ZMAT4: variants seen among roughly 807,000 people sequenced by gnomAD.
The protein encoded by ZMAT4 is zinc finger matrin-type protein 4.
In ZMAT4, 17 loss-of-function variants were observed where a neutral mutation model predicts 28.7. The observed-to-expected ratio is 0.59, with a 90% CI of 0.41 to 0.89. The LOEUF (loss-of-function observed/expected upper bound fraction) is 0.89. Among genes scored for constraint, ZMAT4 ranks in the 40% least tolerant of loss-of-function variants. The pLI is 0.00. For synonymous variants in ZMAT4, 117 were observed against 109.2 expected, an observed-to-expected ratio of 1.07 and a Z score of -0.44; for missense variants, 240 against 283.8, an observed-to-expected ratio of 0.85 and a Z score of 1.11.
intron 4 of ZMAT4, among the ~76,000 whole-genome samples, chr8:40,678,995 C>T (rs1204475817): frequency 6.6e-6 from 1 of 152,094 alleles, no homozygotes; most frequent in South Asian, 2.1e-4. Flanking sequence ...TTCTGATTTG[C>T]AAAATACAAT....
chr8:40,578,940 A>T (rs1230737913), intron 6 of ZMAT4, among the ~76,000 whole-genome samples: 2 of 152,162 alleles, frequency 1.3e-5, no homozygotes, highest in Non-Finnish European at 2.9e-5. Context: ...GTAAGTGGAG[A>T]CATAAGTCAG....
At chr8:40,699,347 G>T (rs1282037109) in intron 3 of ZMAT4, among the ~76,000 whole-genome samples, 1 of 152,152 alleles carries the variant, frequency 6.6e-6, no homozygotes, top group Non-Finnish European at 1.5e-5. Context: ...GGATACAAGT[G>T]CAGTTTTGTG....
At chr8:40,803,668 G>T (rs1377011631) in intron 2 of ZMAT4, among the ~76,000 whole-genome samples, 1 of 152,122 alleles carries the variant, frequency 6.6e-6, no homozygotes, top group Non-Finnish European at 1.5e-5. Context: ...AGACAATTTG[G>T]CAGTTTCTTA....
chr8:40,803,079 G>A (rs1370441406), intron 2 of ZMAT4, among the ~76,000 whole-genome samples: 1 of 152,106 alleles, frequency 6.6e-6, no homozygotes, highest in Non-Finnish European at 1.5e-5. Context: ...AACACAAAAT[G>A]AGCCACAGAC....
At chr8:40,858,124 C>T (rs956916341) in intron 1 of ZMAT4, among the ~76,000 whole-genome samples, 1 of 152,108 alleles carries the variant, frequency 6.6e-6, no homozygotes, top group Non-Finnish European at 1.5e-5. Flanking sequence ...AAGATCTATG[C>T]GTTTTATCGT....
intron 3 of ZMAT4, among the ~76,000 whole-genome samples, chr8:40,725,319 AC>A (rs1335213577): frequency 6.6e-6 from 1 of 152,152 alleles, no homozygotes; most frequent in East Asian, 1.9e-4. Flanking sequence ...GGCAGAAAGG[AC>A]CTAATTAGAA....
intron 5 of ZMAT4, among the ~76,000 whole-genome samples, chr8:40,585,941 A>T (rs1022576086): frequency 1.3e-5 from 2 of 152,184 alleles, no homozygotes; most frequent in African/African-American, 4.8e-5. Flanking sequence ...TATGTTTAAA[A>T]ATGGGCATTT....
At chr8:40,650,297 C>A (rs1401075204) in intron 5 of ZMAT4, among the ~76,000 whole-genome samples, 7 of 151,896 alleles carry the variant, frequency 4.6e-5, no homozygotes, top group Admixed American at 2.0e-4. Flanking sequence ...ACTACAAACA[C>A]GTCTATGCAA....
Position 40,531,955 on chromosome 8 carries a change from TA to T in ZMAT4, c.*267del. On this transcript the variant is annotated 3_prime_UTR_variant, in exon 7 of 7. Transcript: ENST00000297737. Reference sequence around the variant, plus strand: ...GCTCCAACTGTTTGCTATAGGATTATAATTTAGAACATGTGCTAAATATGTT... The same window carrying T: ...GCTCCAACTGTTTGCTATAGGATTATATTTAGAACATGTGCTAAATATGTT... 3.0e-6 allele frequency: 1 copy of T among 337,044 alleles called. No homozygotes were observed. Among genetic ancestry groups the T allele is most frequent in the Admixed American group, 4.8e-5 (1 of 20,868 alleles). The allele number at this position is 337,044 out of a possible 1,614,324, so 20.9% of individuals were successfully genotyped here. A position where few individuals can be genotyped will look rare whatever the true frequency, so the allele number is the denominator to read the frequency against.
intron 5 of ZMAT4, among the ~76,000 whole-genome samples, chr8:40,597,136 T>G (rs1805132885): frequency 6.6e-6 from 1 of 152,168 alleles, no homozygotes; most frequent in Non-Finnish European, 1.5e-5. Context: ...GTTTTCAGTA[T>G]TGGCTTATTC....
At position 40,649,630 on chromosome 8, in the gene ZMAT4, C is replaced by T. The variant is rs1807536147; in HGVS notation, c.577+25074G>A. ...ATATCAACAGAATATACATTTTTTT[C>T]AGCACCACACCACACCTATTCCAAA... On this transcript the variant is annotated intron_variant, in intron 5 of 6. Coordinates refer to ENST00000297737, the MANE Select transcript of ZMAT4 (RefSeq NM_024645.3). 7.2e-5 allele frequency among the ~76,000 whole-genome samples: 11 copies of T among 152,030 alleles called. 2 individuals carry two copies. The South Asian group carries it at 2.3e-3, about 32-fold the overall frequency.
rs774508083 is a variant in ZMAT4 at position 40,672,767 on chromosome 8, CCAGT to C, written c.577+1933_577+1936del. On this transcript the variant is annotated intron_variant, in intron 5 of 6. Transcript: ENST00000297737. ...AGTCACTGAGACAACTTGTTATCTG[CCAGT>C]AACACAGGCATTGCAGTTAGGCCTT... 7.9e-5 allele frequency among the ~76,000 whole-genome samples: 12 copies of C among 152,266 alleles called. No homozygotes were observed. In the East Asian group the frequency reaches 1.7e-3, roughly 22 times the overall value.
chr8:40,891,222 GGAGAAGACTT>G (rs1209661419), intron 1 of ZMAT4, among the ~76,000 whole-genome samples: 10 of 121,144 alleles, frequency 8.3e-5, no homozygotes, highest in East Asian at 2.9e-4. Context: ...GGAGAGGAGA[GGAGAAGACTT>G]GAGAGGAGAG....
chr8:40,757,585 C>CAAAAAAAAAAAA (rs1198724259), intron 3 of ZMAT4, among the ~76,000 whole-genome samples: 1 of 103,384 alleles, frequency 9.7e-6, no homozygotes. Context: ...GACCCCATCT[C>CAAAAAAAAAAAA]AAAAAAAAAA....
chr8:40,760,939 T>C (rs566109912), intron 3 of ZMAT4, among the ~76,000 whole-genome samples: 1 of 152,200 alleles, frequency 6.6e-6, no homozygotes, highest in South Asian at 2.1e-4. Context: ...AAATGAAGGA[T>C]TTGTGTTACC....
At chr8:40,559,371 A>G (rs551813207) in intron 6 of ZMAT4, among the ~76,000 whole-genome samples, 6 of 152,160 alleles carry the variant, frequency 3.9e-5, no homozygotes, top group African/African-American at 4.8e-5. Context: ...TGTAACATGC[A>G]TGTTTGTTCA....
chr8:40,716,344 A>G (rs1487242143), intron 3 of ZMAT4, among the ~76,000 whole-genome samples: 1 of 152,156 alleles, frequency 6.6e-6, no homozygotes, highest in Non-Finnish European at 1.5e-5. Flanking sequence ...AAAGAATGCC[A>G]CAAATCCACT....
intron 5 of ZMAT4, among the ~76,000 whole-genome samples, chr8:40,671,288 A>G (rs746065857): frequency 6.6e-6 from 1 of 152,290 alleles, no homozygotes. Context: ...TTAAAAATAC[A>G]TGCAACTTAT....
At chr8:40,796,137 C>CT (rs1814587537) in intron 2 of ZMAT4, among the ~76,000 whole-genome samples, 1 of 152,178 alleles carries the variant, frequency 6.6e-6, no homozygotes, top group South Asian at 2.1e-4. Context: ...GACGTTTCCG[C>CT]TCCATATTTA....
Sources: allele counts gnomAD v4.1 joint callset (sites outside exome capture counted in the v4.1 genomes callset), GRCh38; gene constraint gnomAD v4.1.1; transcripts MANE v1.5; gene names NCBI Gene and HGNC (gene_info 2026-07-23, HGNC 2026-07-21).